The following GPC5 variants were observed in gnomAD, a reference collection of about 807,000 sequenced individuals.
The protein encoded by GPC5 is glypican 5.
Under a neutral mutation model 53.9 loss-of-function variants are expected in GPC5, and 47 were observed. That is an observed-to-expected ratio of 0.87 (90% CI 0.69 to 1.11). The LOEUF (loss-of-function observed/expected upper bound fraction) is 1.11, where lower values mean the gene tolerates loss of function less well. GPC5 is among the 50% of genes most tolerant of loss of function. GPC5 has a pLI of 0.00. For synonymous variants in GPC5, 286 were observed against 263.3 expected (o/e 1.09, Z -0.84); for missense variants, 748 against 713.1 (o/e 1.05, Z -0.56).
At chr13:92,568,110 C>T (rs999404456) in intron 7 of GPC5, among the ~76,000 whole-genome samples, 1 of 151,902 alleles carries the variant, frequency 6.6e-6, no homozygotes, top group East Asian at 1.9e-4. Flanking sequence ...TCACTTGAGG[C>T]CAGAAGTTCG....
chr13:92,684,659 G>T (rs1319956174), intron 7 of GPC5, among the ~76,000 whole-genome samples: 2 of 151,994 alleles, frequency 1.3e-5, no homozygotes, highest in Non-Finnish European at 2.9e-5. Context: ...AATGTACCTT[G>T]GTTGTTTCTC....
chr13:91,790,743 GA>G (rs1381423330), intron 5 of GPC5, among the ~76,000 whole-genome samples: 1 of 152,198 alleles, frequency 6.6e-6, no homozygotes, highest in Non-Finnish European at 1.5e-5. Context: ...AAATGTAGTA[GA>G]ATAGCCTCTT....
chr13:91,688,861 CATAGAAAAG>C (rs2035679715), intron 2 of GPC5, among the ~76,000 whole-genome samples: 1 of 151,742 alleles, frequency 6.6e-6, no homozygotes, highest in Non-Finnish European at 1.5e-5. Context: ...CATATTTAAA[CATAGAAAAG>C]ATACAGTGAA....
rs765890665 is a variant in GPC5 at position 91,728,510 on chromosome 13, T to G, written c.1021-22T>G. The G allele has an allele frequency of 7.5e-6, 12 of 1,602,928 alleles. No individual in the cohort carries two copies. The African/African-American group carries it at 1.5e-4, about 20-fold the overall frequency. On this transcript the variant is annotated intron_variant, in intron 3 of 7. Transcript: ENST00000377067. ...GGTGGAGTACGATTTCTAACTACCT[T>G]TTAATGTTTTCTATTTAAAAGGTAA...
In GPC5 at chr13:91,461,420, G is replaced by A. The variant is rs549073128; in HGVS notation, c.325+12498G>A. Among the ~76,000 whole-genome samples the A allele has an allele frequency of 1.8e-4, 27 of 152,162 alleles. 1 individual carries two copies. The East Asian group carries it at 4.9e-3, about 27-fold the overall frequency. On this transcript the variant is annotated intron_variant, in intron 2 of 7. Transcript: ENST00000377067. ...AAGGGTCTAGAGTTAAAGGGTCTGGGTTTGGATCTGGTCTCAAGACTTGCC... is the reference window on the plus strand; with the variant it reads ...AAGGGTCTAGAGTTAAAGGGTCTGGATTTGGATCTGGTCTCAAGACTTGCC...
intron 7 of GPC5, among the ~76,000 whole-genome samples, chr13:92,518,717 C>T (rs1880898460): frequency 6.6e-6 from 1 of 152,260 alleles, no homozygotes; most frequent in South Asian, 2.1e-4. Context: ...GAAACTGCAT[C>T]AACTAACGAG....
In GPC5 at chr13:91,990,763, T is replaced by C. The variant is rs569356660; in HGVS notation, c.1401+82706T>C. Among the ~76,000 whole-genome samples the C allele has an allele frequency of 9.8e-5, 15 of 152,334 alleles. No homozygotes were observed. In the South Asian group the frequency reaches 2.1e-3, roughly 21 times the overall value. On this transcript the variant is annotated intron_variant, in intron 6 of 7. Coordinates refer to ENST00000377067, the MANE Select transcript of GPC5 (RefSeq NM_004466.6). ...AGAGAACTGTCACCAGGAGGCATTTTCCTTACAGATCAGCAATGCAGGTGT... is the reference window on the plus strand; with the variant it reads ...AGAGAACTGTCACCAGGAGGCATTTCCCTTACAGATCAGCAATGCAGGTGT...
chr13:92,090,709 G>A (rs772985779), intron 6 of GPC5, among the ~76,000 whole-genome samples: 2 of 151,286 alleles, frequency 1.3e-5, no homozygotes, highest in Non-Finnish European at 1.5e-5. Flanking sequence ...TAAAGTCTAC[G>A]ACAATTAGAA....
chr13:92,200,974 G>GACAC lies in GPC5; in HGVS notation c.1561+56018_1561+56021dup, dbSNP rs66619017. On this transcript the variant is annotated intron_variant, in intron 7 of 7. Coordinates refer to ENST00000377067, the MANE Select transcript of GPC5 (RefSeq NM_004466.6). ...CAACAGACAGACACACAGGCACTCA[G>GACAC]ACACACACACACACACACACACACA... Among the ~76,000 whole-genome samples, 680 of 147,024 alleles carry GACAC rather than the reference G, an allele frequency of 4.6e-3. 4 individuals are homozygous for GACAC. Among genetic ancestry groups the GACAC allele is most frequent in the South Asian group, 0.031 (143 of 4,652 alleles).
At chr13:92,326,046 C>T (rs575806450) in intron 7 of GPC5, among the ~76,000 whole-genome samples, 13 of 151,992 alleles carry the variant, frequency 8.6e-5, no homozygotes, top group Non-Finnish European at 1.3e-4. Flanking sequence ...TCAGTTTGAT[C>T]GGGAATCCTT....
intron 4 of GPC5, among the ~76,000 whole-genome samples, chr13:91,742,114 G>A (rs923730668): frequency 2.0e-5 from 3 of 152,132 alleles, no homozygotes; most frequent in African/African-American, 7.2e-5. Context: ...AGGTATGGAG[G>A]GAACATGAGC....
At chr13:92,776,358 C>G (rs376912299) in intron 7 of GPC5, among the ~76,000 whole-genome samples, 1 of 152,168 alleles carries the variant, frequency 6.6e-6, no homozygotes, top group Non-Finnish European at 1.5e-5. Context: ...CTTCCTTTGC[C>G]TCCTCCTGCC....
chr13:92,668,156 T>C (rs1364802605), intron 7 of GPC5, among the ~76,000 whole-genome samples: 1 of 152,232 alleles, frequency 6.6e-6, no homozygotes, highest in Non-Finnish European at 1.5e-5. Context: ...GCTAATAATA[T>C]ATTTCATTAT....
intron 7 of GPC5, among the ~76,000 whole-genome samples, chr13:92,757,662 G>T (rs1388872711): frequency 6.8e-6 from 1 of 148,092 alleles, no homozygotes; most frequent in Non-Finnish European, 1.5e-5. Context: ...CCATCAAAAA[G>T]TGGGCAAAGG....
chr13:91,868,025 A>T (rs1174388810), intron 5 of GPC5, among the ~76,000 whole-genome samples: 2 of 152,218 alleles, frequency 1.3e-5, no homozygotes, highest in Non-Finnish European at 2.9e-5. Context: ...AGTTTTATAG[A>T]TACAGGAAAA....
At chr13:92,337,146 A>G (rs144505175) in intron 7 of GPC5, among the ~76,000 whole-genome samples, 117 of 152,134 alleles carry the variant, frequency 7.7e-4, no homozygotes, top group African/African-American at 2.7e-3. Context: ...CTAGTGAACA[A>G]ATGTAATTTT....
At chr13:91,704,518 G>A (rs930998215) in intron 3 of GPC5, among the ~76,000 whole-genome samples, 1 of 152,156 alleles carries the variant, frequency 6.6e-6, no homozygotes, top group Non-Finnish European at 1.5e-5. Flanking sequence ...GCAGTCATTG[G>A]ACCTTCCATG....
chr13:92,163,667 G>A (rs1217920929), intron 7 of GPC5, among the ~76,000 whole-genome samples: 1 of 152,116 alleles, frequency 6.6e-6, no homozygotes, highest in African/African-American at 2.4e-5. Context: ...GTTCCTAGAT[G>A]TAGCTTCAGC....
chr13:92,376,998 G>A (rs776167642), intron 7 of GPC5, among the ~76,000 whole-genome samples: 4 of 150,964 alleles, frequency 2.6e-5, no homozygotes, highest in Non-Finnish European at 5.9e-5. Flanking sequence ...CTGGGTGACC[G>A]AGTGCAACTC....
Sources: gnomAD v4.1 joint callset for allele counts (sites outside exome capture counted in the v4.1 genomes callset) on GRCh38, gnomAD v4.1.1 for gene constraint, MANE v1.5 for transcripts, NCBI Gene and HGNC (gene_info 2026-07-23, HGNC 2026-07-21) for gene names.